The following UNC13B variants were observed in gnomAD, a reference collection of about 807,000 sequenced individuals.
UNC13B encodes unc-13 homolog B, also known as protein unc-13 homolog B.
A neutral mutation model predicts 211.0 loss-of-function variants in UNC13B; 144 were observed. The ratio of observed to expected loss-of-function variants is 0.68; its 90% CI spans 0.60 to 0.78. The LOEUF (loss-of-function observed/expected upper bound fraction) is 0.78, where lower values mean the gene tolerates loss of function less well. Ranked by LOEUF, UNC13B falls within the 30% of genes least tolerant of loss-of-function variation. The pLI is 0.00. For missense variants in UNC13B, 1,777 were observed against 2,002.0 expected (o/e 0.89, Z 2.14); for synonymous variants, 709 against 725.8 (o/e 0.98, Z 0.37).
rs575298275 is a variant in UNC13B, at chr9:35,245,748, C to T, written c.468+2384C>T. On this transcript the variant is annotated intron_variant, in intron 6 of 39. Coordinates refer to ENST00000635942, the MANE Select transcript of UNC13B (RefSeq NM_001371189.2). The stretch of plus-strand genomic sequence containing the variant: ...GCCACATTTTCTTAATCCAGTCTAT[C>T]ATTGTTGGACATTTGGGTTGGTTCC... 3.3e-5 allele frequency among the ~76,000 whole-genome samples: 5 copies of T among 152,118 alleles called. No homozygotes were observed. In the South Asian group the frequency reaches 1.0e-3, roughly 32 times the overall value.
intron 7 of UNC13B, among the ~76,000 whole-genome samples, chr9:35,275,687 G>A (rs891220798): frequency 6.6e-6 from 1 of 152,062 alleles, no homozygotes. Context: ...CCGCCTCCTG[G>A]GTTTAAGTGA....
intron 7 of UNC13B, among the ~76,000 whole-genome samples, chr9:35,270,260 T>C (rs1827799151): frequency 6.6e-6 from 1 of 152,182 alleles, no homozygotes; most frequent in South Asian, 2.1e-4. Context: ...TTCTTCATAC[T>C]GGTATCACCA....
In UNC13B at chr9:35,390,083, G is replaced by A; in HGVS notation, c.11222+110G>A. 4 of 1,536,158 alleles carry A rather than the reference G, an allele frequency of 2.6e-6. No individual in the cohort carries two copies. In the East Asian group the frequency reaches 9.1e-5, roughly 35 times the overall value. Reference sequence around the variant, plus strand: ...GTTTGCAGTGCCACCTCTTCTTCCTGTCCATCCATCTGTCCCTCTGTCCCT... The same window carrying A: ...GTTTGCAGTGCCACCTCTTCTTCCTATCCATCCATCTGTCCCTCTGTCCCT... On this transcript the variant is annotated intron_variant, in intron 25 of 39. Coordinates refer to ENST00000635942, the MANE Select transcript of UNC13B (RefSeq NM_001371189.2).
chr9:35,322,135 T>C (rs1273565827), intron 11 of UNC13B, among the ~76,000 whole-genome samples: 1 of 152,250 alleles, frequency 6.6e-6, no homozygotes, highest in African/African-American at 2.4e-5. Flanking sequence ...GAAGAGGTTA[T>C]ATAGAGTCAT....
At chr9:35,394,605 A>C (rs901594437) in intron 26 of UNC13B, among the ~76,000 whole-genome samples, 3 of 152,182 alleles carry the variant, frequency 2.0e-5, no homozygotes, top group Non-Finnish European at 4.4e-5. Flanking sequence ...CAAAAAAAAT[A>C]AGAAGTTTAT....
chr9:35,235,777 G>A (rs1002209380), intron 3 of UNC13B, among the ~76,000 whole-genome samples: 9 of 152,148 alleles, frequency 5.9e-5, no homozygotes, highest in East Asian at 3.9e-4. Flanking sequence ...AAAGTTTCCT[G>A]TATACGATGT....
chr9:35,328,934 A>AT (rs560053833), intron 11 of UNC13B, among the ~76,000 whole-genome samples: 91 of 147,664 alleles, frequency 6.2e-4, no homozygotes, highest in African/African-American at 1.8e-3. Context: ...TGCCTGGCTA[A>AT]TTTTTTTTTT....
At chr9:35,203,691 T>G (rs1040082177) in intron 1 of UNC13B, among the ~76,000 whole-genome samples, 1 of 152,236 alleles carries the variant, frequency 6.6e-6, no homozygotes, top group Non-Finnish European at 1.5e-5. Flanking sequence ...GTATTCAAGA[T>G]GTGGCCTGGC....
At chr9:35,293,532 C>G (rs1392909742) in intron 7 of UNC13B, among the ~76,000 whole-genome samples, 1 of 152,106 alleles carries the variant, frequency 6.6e-6, no homozygotes, top group Admixed American at 6.5e-5. Context: ...TGCCTCTGCC[C>G]CTTCATCTGT....
intron 10 of UNC13B, among the ~76,000 whole-genome samples, chr9:35,311,419 G>T (rs1830176524): frequency 6.6e-6 from 1 of 152,206 alleles, no homozygotes; most frequent in Non-Finnish European, 1.5e-5. Context: ...TGGGGCTGTG[G>T]TAGGTACTTT....
At chr9:35,189,251 T>C (rs1822520873) in intron 1 of UNC13B, among the ~76,000 whole-genome samples, 1 of 152,244 alleles carries the variant, frequency 6.6e-6, no homozygotes, top group African/African-American at 2.4e-5. Flanking sequence ...TGTTAACTCT[T>C]AGCAACTTTT....
At chr9:35,229,731 G>A (rs1293666226) in intron 2 of UNC13B, among the ~76,000 whole-genome samples, 1 of 151,920 alleles carries the variant, frequency 6.6e-6, no homozygotes, top group African/African-American at 2.4e-5. Context: ...CCCCTTGTAT[G>A]GGCTTTTATC....
At chr9:35,383,717 A>G (rs1288327169) in intron 21 of UNC13B, among the ~76,000 whole-genome samples, 3 of 152,124 alleles carry the variant, frequency 2.0e-5, no homozygotes, top group South Asian at 2.1e-4. Flanking sequence ...ACTATGGGAA[A>G]TGTGTGTGGA....
chr9:35,375,707 A>C (rs557152908), intron 14 of UNC13B, among the ~76,000 whole-genome samples: 1 of 152,338 alleles, frequency 6.6e-6, no homozygotes, highest in Non-Finnish European at 1.5e-5. Flanking sequence ...GGGACCAGGC[A>C]TGTTGGCTTA....
chr9:35,389,147 C>A (rs1445970455), intron 24 of UNC13B, among the ~76,000 whole-genome samples: 1 of 152,136 alleles, frequency 6.6e-6, no homozygotes, highest in African/African-American at 2.4e-5. Flanking sequence ...GTTCCACCCT[C>A]CCTGTGGTGA....
intron 1 of UNC13B, among the ~76,000 whole-genome samples, chr9:35,164,792 GT>G (rs1365969789): frequency 1.3e-5 from 2 of 151,994 alleles, no homozygotes; most frequent in Non-Finnish European, 2.9e-5. Context: ...TACTTTTTTT[GT>G]TGTTGAAAAC....
At chr9:35,163,768 A>AGG (rs1410491187) in intron 1 of UNC13B, among the ~76,000 whole-genome samples, 1 of 152,216 alleles carries the variant, frequency 6.6e-6, no homozygotes, top group African/African-American at 2.4e-5. Context: ...AATAGCAGGC[A>AGG]GGTTTCATTG....
intron 6 of UNC13B, among the ~76,000 whole-genome samples, chr9:35,245,457 T>C (rs1826034652): frequency 2.0e-5 from 3 of 151,282 alleles, no homozygotes; most frequent in Admixed American, 6.6e-5. Context: ...CATTAACTCG[T>C]CATTTACATT....
At chr9:35,366,831 AC>A (rs1271629695) in intron 11 of UNC13B, 115 bp from the exon 12 acceptor site, 2 of 846,302 alleles carry the variant, frequency 2.4e-6, no homozygotes, top group African/African-American at 3.3e-5. Context: ...GGCTGTCACC[AC>A]ATGGTGAATG....
Sources: gnomAD v4.1 joint callset for allele counts (sites outside exome capture counted in the v4.1 genomes callset) on GRCh38, gnomAD v4.1.1 for gene constraint, MANE v1.5 for transcripts, NCBI Gene and HGNC (gene_info 2026-07-23, HGNC 2026-07-21) for gene names.